Variants in GARRE1 observed in about 807,000 individuals in gnomAD.
The protein encoded by GARRE1 is granule associated Rac and RHOG effector 1.
GARRE1 carries 49 observed loss-of-function variants against 103.2 expected under a neutral mutation model. The observed-to-expected ratio is 0.47, with a 90% CI of 0.38 to 0.60. The LOEUF is 0.60. GARRE1 is among the 20% of genes least tolerant of loss of function. The pLI is 0.00. For synonymous variants in GARRE1, 505 were observed against 532.8 expected, an observed-to-expected ratio of 0.95 and a Z score of 0.72; for missense variants, 1,199 against 1,370.5, an observed-to-expected ratio of 0.87 and a Z score of 1.98.
At chr19:34,310,601 A>G (rs1004300897) in intron 2 of GARRE1, among the ~76,000 whole-genome samples, 1 of 152,166 alleles carries the variant, frequency 6.6e-6, no homozygotes, top group Admixed American at 6.5e-5. Flanking sequence ...CTCTTCTCCC[A>G]GCTGAGCCAC....
chr19:34,283,279 A>T (rs2073865927), intron 1 of GARRE1, among the ~76,000 whole-genome samples: 1 of 152,240 alleles, frequency 6.6e-6, no homozygotes, highest in African/African-American at 2.4e-5. Flanking sequence ...ATAGCTGCAT[A>T]GTCCATGTAA....
At chr19:34,345,849 T>TGAAC (rs1568312684) in intron 10 of GARRE1, among the ~76,000 whole-genome samples, 1 of 152,238 alleles carries the variant, frequency 6.6e-6, no homozygotes, top group African/African-American at 2.4e-5. Flanking sequence ...AATAAATGAA[T>TGAAC]AAGAATGTTA....
At chr19:34,343,776 G>A (rs2145281479) in intron 10 of GARRE1, among the ~76,000 whole-genome samples, 1 of 151,548 alleles carries the variant, frequency 6.6e-6, no homozygotes, top group East Asian at 2.0e-4. Flanking sequence ...GAGCTCAGGA[G>A]GTTGAGGCTG....
chr19:34,330,423 ATG>A, intron 7 of GARRE1, 76 bp downstream of exon 7: 1 of 1,348,640 alleles, frequency 7.4e-7, no homozygotes, highest in Non-Finnish European at 1.0e-6. Flanking sequence ...GTGCAGACAC[ATG>A]TGTGAAAATA....
chr19:34,320,928 G>A (rs928604663), intron 3 of GARRE1, among the ~76,000 whole-genome samples: 3 of 139,198 alleles, frequency 2.2e-5, no homozygotes, highest in African/African-American at 8.1e-5. Flanking sequence ...TTTTTTGGTA[G>A]AGATGAAGTC....
intron 1 of GARRE1, among the ~76,000 whole-genome samples, chr19:34,259,224 C>T (rs556897446): frequency 6.6e-6 from 1 of 152,164 alleles, no homozygotes; most frequent in African/African-American, 2.4e-5. Flanking sequence ...GTGTCCTGTC[C>T]TTCCTGACTC....
intron 1 of GARRE1, among the ~76,000 whole-genome samples, chr19:34,278,232 T>C (rs182481558): frequency 6.6e-6 from 1 of 151,640 alleles, no homozygotes; most frequent in Non-Finnish European, 1.5e-5. Context: ...TCACCTGAGG[T>C]CAGAAGTTTG....
intron 2 of GARRE1, among the ~76,000 whole-genome samples, chr19:34,308,238 CTTTTTTTTTTTT>C (rs753284001): frequency 3.0e-5 from 3 of 99,510 alleles, no homozygotes; most frequent in East Asian, 2.8e-4. Context: ...CATCCTGTTC[CTTTTTTTTTTTT>C]TTTTTTTTTT....
chr19:34,305,581 G>A (rs1286117177), intron 2 of GARRE1, among the ~76,000 whole-genome samples: 1 of 152,228 alleles, frequency 6.6e-6, no homozygotes, highest in Non-Finnish European at 1.5e-5. Context: ...AACAGAGCTT[G>A]ACCTGCAGGG....
chr19:34,257,232 C>G (rs1201569890), intron 1 of GARRE1, among the ~76,000 whole-genome samples: 1 of 151,614 alleles, frequency 6.6e-6, no homozygotes, highest in East Asian at 1.9e-4. Context: ...TGTTGAAAAC[C>G]TATAGCCTAA....
At chr19:34,333,282 T>TC (rs5827900) in intron 7 of GARRE1, among the ~76,000 whole-genome samples, 152,353 of 152,354 alleles carry the variant, frequency 1, 76,176 homozygotes, top group Non-Finnish European at 1. Flanking sequence ...CCTCAAGTGA[T>TC]CACTTGCCTA....
chr19:34,315,278 A>C (rs1305378382), intron 2 of GARRE1, among the ~76,000 whole-genome samples: 1 of 152,210 alleles, frequency 6.6e-6, no homozygotes, highest in African/African-American at 2.4e-5. Context: ...TGGGCACTCC[A>C]TAGTTCCAAC....
intron 8 of GARRE1, among the ~76,000 whole-genome samples, chr19:34,339,490 C>T (rs898207006): frequency 2.0e-5 from 3 of 152,154 alleles, no homozygotes; most frequent in Non-Finnish European, 2.9e-5. Context: ...TGTTCACCAG[C>T]GTGGAAGCTC....
At chr19:34,302,179 G>A (rs140792761) in intron 2 of GARRE1, among the ~76,000 whole-genome samples, 144 of 147,668 alleles carry the variant, frequency 9.8e-4, no homozygotes, top group African/African-American at 3.5e-3. Flanking sequence ...TAGTAGAGAC[G>A]GGGTTTCACC....
At chr19:34,278,602 C>T (rs1002480933) in intron 1 of GARRE1, among the ~76,000 whole-genome samples, 19 of 152,042 alleles carry the variant, frequency 1.2e-4, no homozygotes, top group African/African-American at 4.6e-4. Flanking sequence ...CAGTATTTGT[C>T]CTTTAGTGTC....
At chr19:34,264,915 C>G (rs2073742545) in intron 1 of GARRE1, among the ~76,000 whole-genome samples, 2 of 152,104 alleles carry the variant, frequency 1.3e-5, no homozygotes, top group African/African-American at 2.4e-5. Flanking sequence ...ACGCAGGCCT[C>G]TACATTAACC....
intron 1 of GARRE1, among the ~76,000 whole-genome samples, chr19:34,263,265 G>GAGATAGCT (rs1555778754): frequency 6.7e-6 from 1 of 149,494 alleles, no homozygotes; most frequent in Non-Finnish European, 1.5e-5. Context: ...TCTCGATAGA[G>GAGATAGCT]AGATAGATAG....
chr19:34,324,091 C>T (rs991778099), intron 3 of GARRE1, among the ~76,000 whole-genome samples: 2 of 152,106 alleles, frequency 1.3e-5, no homozygotes, highest in Non-Finnish European at 2.9e-5. Context: ...GCTGGCCTTG[C>T]CCCCATCCTC....
At chr19:34,264,873 G>A (rs1303734226) in intron 1 of GARRE1, among the ~76,000 whole-genome samples, 5 of 152,164 alleles carry the variant, frequency 3.3e-5, no homozygotes, top group Admixed American at 6.5e-5. Context: ...AGGGCACGTG[G>A]GAATAACCAG....
Sources: allele counts gnomAD v4.1 joint callset (sites outside exome capture counted in the v4.1 genomes callset), GRCh38; gene constraint gnomAD v4.1.1; transcripts MANE v1.5; gene names NCBI Gene and HGNC (gene_info 2026-07-23, HGNC 2026-07-21).